Variants in STPG1 observed in about 807,000 individuals in gnomAD.
STPG1 encodes the protein O(6)-methylguanine-induced apoptosis 2.
A neutral mutation model predicts 40.1 loss-of-function variants in STPG1; 33 were observed. The ratio of observed to expected loss-of-function variants is 0.82; its 90% CI spans 0.62 to 1.10. The LOEUF (loss-of-function observed/expected upper bound fraction) is 1.10. Among genes scored for constraint, STPG1 ranks in the 50% least tolerant of loss-of-function variants. The pLI, the probability that STPG1 is intolerant of heterozygous loss-of-function variation, is 0.00. For synonymous variants in STPG1, 150 were observed against 155.0 expected (o/e 0.97, Z 0.24); for missense variants, 396 against 415.1 (o/e 0.95, Z 0.40).
At chr1:24,388,709 T>G (rs1053542795) in intron 3 of STPG1, among the ~76,000 whole-genome samples, 5 of 152,222 alleles carry the variant, frequency 3.3e-5, no homozygotes, top group African/African-American at 1.2e-4. Flanking sequence ...GCCCTGGAGT[T>G]TTCAAATCTG....
intron 1 of STPG1, among the ~76,000 whole-genome samples, chr1:24,402,493 G>A (rs981794254): frequency 3.9e-5 from 6 of 152,086 alleles, no homozygotes; most frequent in African/African-American, 1.4e-4. Flanking sequence ...CAGCCATTGT[G>A]GCTCACACCT....
chr1:24,381,530 C>T (rs1453769260), intron 4 of STPG1, among the ~76,000 whole-genome samples: 1 of 152,190 alleles, frequency 6.6e-6, no homozygotes, highest in African/African-American at 2.4e-5. Flanking sequence ...AACTCTCCAC[C>T]CACCTGCCTC....
rs769053848 is a variant in STPG1, at chr1:24,359,305, C to T, written c.929-686G>A. ...TGTGCCAGGTGCCTAGCACCACATA[C>T]GGCATGGAAAAGTCATTCGGGCAAT... On this transcript the variant is annotated intron_variant, in intron 8 of 8. Transcript: ENST00000337248. This position sits in a 1 kb window ranked among gnomAD's most constrained non-coding sequence, Gnocchi z 5.3. Among the ~76,000 whole-genome samples the T allele has an allele frequency of 1.6e-4, 25 of 152,226 alleles. No individual in the cohort carries two copies. The highest frequency in any genetic ancestry group is 7.3e-5 in the Non-Finnish European group (5 of 68,046).
At chr1:24,369,927 G>T in intron 6 of STPG1, 88 bp from the exon 7 acceptor site, 1 of 1,178,934 alleles carries the variant, frequency 8.5e-7, no homozygotes, top group Non-Finnish European at 1.2e-6. Context: ...CACACCTGAT[G>T]GCTGCAAGGC....
intron 5 of STPG1, among the ~76,000 whole-genome samples, chr1:24,375,589 C>G (rs1366504770): frequency 1.3e-5 from 2 of 151,956 alleles, no homozygotes; most frequent in African/African-American, 4.8e-5. Flanking sequence ...TAACACATTA[C>G]CAAGGAAGAG....
At chr1:24,360,137 A>C (rs918728383) in intron 8 of STPG1, among the ~76,000 whole-genome samples, 1 of 152,196 alleles carries the variant, frequency 6.6e-6, no homozygotes, top group African/African-American at 2.4e-5. Context: ...AGTAGTTTAA[A>C]TATTTTTAAG....
intron 3 of STPG1, among the ~76,000 whole-genome samples, chr1:24,388,221 G>A (rs1642598323): frequency 6.6e-6 from 1 of 152,148 alleles, no homozygotes; most frequent in Non-Finnish European, 1.5e-5. Context: ...ACATTAAGTG[G>A]TGTCCTTAGG....
chr1:24,389,812 G>A (rs1041262630), intron 3 of STPG1, among the ~76,000 whole-genome samples: 2 of 152,176 alleles, frequency 1.3e-5, no homozygotes, highest in African/African-American at 4.8e-5. Context: ...ACTAGGGAGA[G>A]AAGAAAACTC....
intron 7 of STPG1, among the ~76,000 whole-genome samples, chr1:24,363,797 A>G (rs1257171391): frequency 6.6e-6 from 1 of 152,182 alleles, no homozygotes; most frequent in Non-Finnish European, 1.5e-5. Context: ...GGGGAAGAGC[A>G]TTTCCAGCAG....
chr1:24,384,426 T>C (rs1192882349), intron 3 of STPG1, among the ~76,000 whole-genome samples: 2 of 152,178 alleles, frequency 1.3e-5, no homozygotes, highest in African/African-American at 4.8e-5. Context: ...TGACTCAGCT[T>C]CCTCCTCAGC....
chr1:24,403,681 T>C (rs562763845), intron 1 of STPG1, among the ~76,000 whole-genome samples: 21 of 152,274 alleles, frequency 1.4e-4, no homozygotes, highest in African/African-American at 4.8e-4. Context: ...TATATTTTCT[T>C]AAACTGATTC....
chr1:24,369,924 G>C, intron 6 of STPG1, 85 bp from the exon 7 acceptor site: 1 of 1,238,750 alleles, frequency 8.1e-7, no homozygotes. Flanking sequence ...GAACACACCT[G>C]ATGGCTGCAA....
intron 7 of STPG1, among the ~76,000 whole-genome samples, chr1:24,367,475 CTATAGGA>C (rs1450699034): frequency 2.0e-5 from 3 of 152,170 alleles, no homozygotes; most frequent in Admixed American, 2.0e-4. Context: ...CCTAGTAGGT[CTATAGGA>C]TATACAATAA....
intron 7 of STPG1, among the ~76,000 whole-genome samples, chr1:24,362,054 G>A (rs1006286837): frequency 6.6e-6 from 1 of 152,144 alleles, no homozygotes; most frequent in Admixed American, 6.5e-5. Flanking sequence ...CACCAAAAGG[G>A]GAGAGGAGGT....
chr1:24,407,330 G>C (rs1000276253), intron 1 of STPG1, among the ~76,000 whole-genome samples: 1 of 151,836 alleles, frequency 6.6e-6, no homozygotes, highest in Non-Finnish European at 1.5e-5. Context: ...AGTTATATTA[G>C]ATCATTTCAT....
At chr1:24,377,096 TA>T (rs5773086) in intron 5 of STPG1, among the ~76,000 whole-genome samples, 75 of 145,360 alleles carry the variant, frequency 5.2e-4, no homozygotes, top group South Asian at 6.5e-4. Flanking sequence ...CCATCTCTAC[TA>T]AAAAAAAAAA....
chr1:24,357,217 G>C lies in STPG1; in HGVS notation c.*1326C>G, dbSNP rs906426834. 4 of 152,256 alleles carry C rather than the reference G, an allele frequency of 2.6e-5. No individual in the cohort carries two copies. Among genetic ancestry groups the C allele is most frequent in the Admixed American group, 6.5e-5 (1 of 15,292 alleles). 9.4% of individuals were successfully genotyped at this position (152,256 alleles called of 1,614,324 possible). The stretch of plus-strand genomic sequence containing the variant: ...TGCTCTGCCCAGGCGAGGCCTCACT[G>C]TGGCTGTGACGCACCCTTGATGTCA... On this transcript the variant is annotated 3_prime_UTR_variant, in exon 9 of 9. Coordinates refer to ENST00000337248, the MANE Select transcript of STPG1 (RefSeq NM_001199013.2).
chr1:24,379,605 A>G, intron 5 of STPG1, 48 bp downstream of exon 5: 1 of 1,585,162 alleles, frequency 6.3e-7, no homozygotes, highest in Non-Finnish European at 8.7e-7. Flanking sequence ...TTATTTTAGT[A>G]AACCATTAAT....
At chr1:24,358,827 T>A (rs1356590458) in intron 8 of STPG1, among the ~76,000 whole-genome samples, 1 of 152,194 alleles carries the variant, frequency 6.6e-6, no homozygotes, top group Non-Finnish European at 1.5e-5. Flanking sequence ...CTTCCTGCCT[T>A]CTTTAATTCT....
Sources: allele counts gnomAD v4.1 joint callset (sites outside exome capture counted in the v4.1 genomes callset), GRCh38; gene constraint gnomAD v4.1.1; non-coding constraint Gnocchi (gnomAD v3.1); transcripts MANE v1.5; gene names NCBI Gene and HGNC (gene_info 2026-07-23, HGNC 2026-07-21).